Variants in MAK16 observed in about 807,000 individuals in gnomAD.
MAK16 encodes the protein MAK16 homolog.
MAK16 carries 12 observed loss-of-function variants against 49.9 expected under a neutral mutation model. The observed-to-expected ratio is 0.24, with a 90% CI of 0.15 to 0.39. MAK16 has a LOEUF of 0.39. Among genes scored for constraint, MAK16 ranks in the 10% least tolerant of loss-of-function variants. MAK16 has a pLI of 1.00. For synonymous variants in MAK16, 115 were observed against 126.4 expected (o/e 0.91, Z 0.60); for missense variants, 292 against 363.7 (o/e 0.80, Z 1.60).
chr8:33,497,821 C>G lies in MAK16; in HGVS notation c.705+524C>G, dbSNP rs112757531. 7.5e-3 allele frequency among the ~76,000 whole-genome samples: 1,141 copies of G among 151,472 alleles called. 21 individuals are homozygous for G. The highest frequency in any genetic ancestry group is 0.026 in the African/African-American group (1,091 of 41,366). On this transcript the variant is annotated intron_variant, in intron 9 of 9. Transcript: ENST00000360128. ...AAATTTTTTAAAAATCATGACCAGG[C>G]GTGGTGGCTCACGCCTATAATCCTA...
rs577640091 is a variant in MAK16, at chr8:33,486,601, A to G, written c.15+1380A>G. Among the ~76,000 whole-genome samples the G allele has an allele frequency of 4.6e-5, 7 of 152,310 alleles. No homozygotes were observed. In the East Asian group the frequency reaches 1.4e-3, roughly 29 times the overall value. ...GAAAGTGGCTTCGCCTAAGGTAGTA[A>G]TTTAATGGTGGAGATGAAAAGAAAT... On this transcript the variant is annotated intron_variant, in intron 1 of 9. Transcript: ENST00000360128.
chr8:33,492,606 C>T (rs1329246829), intron 6 of MAK16, among the ~76,000 whole-genome samples: 4 of 152,140 alleles, frequency 2.6e-5, no homozygotes, highest in Non-Finnish European at 4.4e-5. Flanking sequence ...TTTCATTCTT[C>T]TGCATATGGA....
rs1809024707 is a variant in MAK16 at position 33,500,380 on chromosome 8, T to G, written c.*1751T>G. 6.2e-7 allele frequency: 1 copy of G among 1,614,172 alleles called. No homozygotes were observed. The highest frequency in any genetic ancestry group is 8.5e-7 in the Non-Finnish European group (1 of 1,180,022). On this transcript the variant is annotated 3_prime_UTR_variant, in exon 10 of 10. Coordinates refer to ENST00000360128, the MANE Select transcript of MAK16 (RefSeq NM_032509.4). ...CAGGAGAATCAGGCAGTCTGTGGCC[T>G]CCTGTAGCAGGGCGCTCTTAACAGA...
At chr8:33,490,495 T>A (rs1272674720) in intron 6 of MAK16, among the ~76,000 whole-genome samples, 156 bp downstream of exon 6, 1 of 152,196 alleles carries the variant, frequency 6.6e-6, no homozygotes. Context: ...TTTTCATATT[T>A]TAAGATTATG....
chr8:33,496,463 G>A (rs1038235645), intron 7 of MAK16, among the ~76,000 whole-genome samples, 162 bp from the exon 8 acceptor site: 5 of 152,004 alleles, frequency 3.3e-5, no homozygotes, highest in Non-Finnish European at 7.4e-5. Context: ...AAAAGAACAT[G>A]CTTTTTTAAG....
intron 1 of MAK16, among the ~76,000 whole-genome samples, chr8:33,487,901 C>T (rs1309681303): frequency 1.3e-5 from 2 of 152,068 alleles, no homozygotes; most frequent in African/African-American, 4.8e-5. Flanking sequence ...TTTAGCTTTT[C>T]TATAAGAATC....
intron 4 of MAK16, 36 bp downstream of exon 4, chr8:33,488,834 C>A (rs775481621): frequency 6.2e-7 from 1 of 1,610,994 alleles, no homozygotes; most frequent in Non-Finnish European, 8.5e-7. Flanking sequence ...GACCGCTGAT[C>A]AAGAGCATCA....
At position 33,500,436 on chromosome 8, in the gene MAK16, A is replaced by G; in HGVS notation, c.*1807A>G. 6.2e-7 allele frequency: 1 copy of G among 1,614,170 alleles called. No individual in the cohort carries two copies. The highest frequency in any genetic ancestry group is 8.5e-7 in the Non-Finnish European group (1 of 1,180,024). The stretch of plus-strand genomic sequence containing the variant: ...GTGTAAGGTTTGGATCCCTTGCTAC[A>G]TCACAAATCAGTTTCAAGAGGGCCT... On this transcript the variant is annotated 3_prime_UTR_variant, in exon 10 of 10. Transcript: ENST00000360128.
At chr8:33,486,498 G>T (rs1271806861) in intron 1 of MAK16, among the ~76,000 whole-genome samples, 4 of 152,232 alleles carry the variant, frequency 2.6e-5, no homozygotes, top group Admixed American at 2.6e-4. Flanking sequence ...GCTGCAGTGA[G>T]CTATGATGGC....
intron 1 of MAK16, among the ~76,000 whole-genome samples, chr8:33,487,903 A>G (rs961392652): frequency 1.3e-5 from 2 of 152,150 alleles, no homozygotes; most frequent in Non-Finnish European, 2.9e-5. Context: ...TAGCTTTTCT[A>G]TAAGAATCTG....
At chr8:33,495,869 C>T (rs1158128085) in intron 7 of MAK16, among the ~76,000 whole-genome samples, 1 of 151,724 alleles carries the variant, frequency 6.6e-6, no homozygotes, top group African/African-American at 2.4e-5. Flanking sequence ...GGCACCACCA[C>T]TGCACCCAGC....
At chr8:33,488,895 G>C in intron 4 of MAK16, 93 bp from the exon 5 acceptor site, 2 of 1,601,536 alleles carry the variant, frequency 1.2e-6, no homozygotes, top group Middle Eastern at 1.7e-4. Context: ...TAACTTTTGA[G>C]GCCATCCTCA....
chr8:33,497,356 A>C, intron 9 of MAK16, 59 bp downstream of exon 9: 2 of 1,128,556 alleles, frequency 1.8e-6, no homozygotes, highest in Non-Finnish European at 2.4e-6. Flanking sequence ...AAAAAAAAAC[A>C]AAAACAGGGA....
intron 6 of MAK16, among the ~76,000 whole-genome samples, chr8:33,491,726 T>C (rs1046226107): frequency 6.1e-5 from 9 of 147,516 alleles, no homozygotes; most frequent in Non-Finnish European, 1.2e-4. Flanking sequence ...CTCTGCTTCC[T>C]GGATTCAAGT....
At chr8:33,490,534 C>T (rs1808761894) in intron 6 of MAK16, among the ~76,000 whole-genome samples, 195 bp downstream of exon 6, 1 of 152,094 alleles carries the variant, frequency 6.6e-6, no homozygotes, top group Non-Finnish European at 1.5e-5. Context: ...AGTATGTGTG[C>T]TTTGGGGATA....
rs1407475742 is a variant in MAK16, at chr8:33,499,058, A to C, written c.*429A>C. ...GTAAAAGGAAAGGAAGGAAGGAAAAAGCAGCTTTCACTTACAAAGTTTCGT... is the reference window on the plus strand; with the variant it reads ...GTAAAAGGAAAGGAAGGAAGGAAAACGCAGCTTTCACTTACAAAGTTTCGT... On this transcript the variant is annotated 3_prime_UTR_variant, in exon 10 of 10. Coordinates refer to ENST00000360128, the MANE Select transcript of MAK16 (RefSeq NM_032509.4). The C allele has an allele frequency of 2.3e-6, 2 of 869,040 alleles. No individual in the cohort carries two copies. Among genetic ancestry groups the C allele is most frequent in the Admixed American group, 4.1e-5 (2 of 48,948 alleles). The allele number at this position is 869,040 out of a possible 1,614,324, so 53.8% of individuals were successfully genotyped here.
chr8:33,488,269 T>C, intron 1 of MAK16, 109 bp from the exon 2 acceptor site: 3 of 1,209,560 alleles, frequency 2.5e-6, no homozygotes, highest in Non-Finnish European at 3.6e-6. Context: ...CAGGCTATTT[T>C]ACAAAACATT....
At chr8:33,497,354 A>C (rs1405251438) in intron 9 of MAK16, 57 bp downstream of exon 9, 5 of 609,570 alleles carry the variant, frequency 8.2e-6, no homozygotes, top group Admixed American at 3.0e-5. Context: ...AAAAAAAAAA[A>C]CAAAAACAGG....
Position 33,499,540 on chromosome 8 carries a change from C to A in MAK16, c.*911C>A. On this transcript the variant is annotated 3_prime_UTR_variant, in exon 10 of 10. Coordinates refer to ENST00000360128, the MANE Select transcript of MAK16 (RefSeq NM_032509.4). ...GCTGGCTCATGAAACAGCAGAATTC[C>A]AGCCAAGGCAAATTCAGTTGGATCT... The A allele has an allele frequency of 2.7e-6, 1 of 376,220 alleles. No individual in the cohort carries two copies. The highest frequency in any genetic ancestry group is 4.2e-5 in the Admixed American group (1 of 23,930). 23.3% of individuals were successfully genotyped at this position (376,220 alleles called of 1,614,324 possible).
Sources: gnomAD v4.1 joint callset for allele counts (sites outside exome capture counted in the v4.1 genomes callset) on GRCh38, gnomAD v4.1.1 for gene constraint, MANE v1.5 for transcripts, NCBI Gene and HGNC (gene_info 2026-07-23, HGNC 2026-07-21) for gene names.